Variants in NRXN3 observed in about 807,000 individuals in gnomAD.
NRXN3 encodes neurexin 3.
A neutral mutation model predicts 137.6 loss-of-function variants in NRXN3; 32 were observed. The ratio of observed to expected loss-of-function variants is 0.23; its 90% CI spans 0.18 to 0.31. The LOEUF (loss-of-function observed/expected upper bound fraction) is 0.31, where lower values mean the gene tolerates loss of function less well. NRXN3 is among the 10% of genes least tolerant of loss of function. The pLI, the probability that NRXN3 is intolerant of heterozygous loss-of-function variation, is 1.00. For missense variants in NRXN3, 1,574 were observed against 2,062.5 expected, an observed-to-expected ratio of 0.76 and a Z score of 4.59; for synonymous variants, 798 against 784.5, an observed-to-expected ratio of 1.02 and a Z score of -0.29.
chr14:79,428,410 T>C (rs2095691064), intron 15 of NRXN3, among the ~76,000 whole-genome samples: 1 of 152,162 alleles, frequency 6.6e-6, no homozygotes, highest in African/African-American at 2.4e-5. Context: ...GTACCTTCAC[T>C]TGGTCAAATA....
intron 4 of NRXN3, among the ~76,000 whole-genome samples, chr14:78,466,995 A>T (rs2095126327): frequency 6.6e-6 from 1 of 152,172 alleles, no homozygotes; most frequent in Admixed American, 6.5e-5. Flanking sequence ...TTAAAAGTTA[A>T]AAAAAAGAAA....
At position 78,715,097 on chromosome 14, in the gene NRXN3, G is replaced by T. The variant is rs1224594523; in HGVS notation, c.2002G>T (p.Asp668Tyr). ...CKDGWNRFIC[D>Y]CTGTGYWGRT... ...GGACGGCTGGAACCGCTTCATCTGC[G>T]ACTGCACCGGCACCGGATACTGGGG... The change falls in exon 8 of 21, where the codon GAC becomes TAC. Residue 668 changes from aspartate to tyrosine, a missense_variant. Transcript: ENST00000335750. 1.9e-6 allele frequency: 3 copies of T among 1,612,302 alleles called. No homozygotes were observed. Among genetic ancestry groups the T allele is most frequent in the African/African-American group, 2.7e-5 (2 of 74,892 alleles).
intron 19 of NRXN3, among the ~76,000 whole-genome samples, chr14:79,774,005 TG>T (rs1192294596): frequency 6.6e-6 from 1 of 152,006 alleles, no homozygotes; most frequent in Admixed American, 6.6e-5. Flanking sequence ...CACTCTTAAC[TG>T]GGGAAAATTG....
At chr14:79,858,795 T>G (rs745348072) in intron 20 of NRXN3, among the ~76,000 whole-genome samples, 15 of 152,086 alleles carry the variant, frequency 9.9e-5, no homozygotes, top group Non-Finnish European at 2.2e-4. Flanking sequence ...TATATCACCT[T>G]AAATCTACCA....
rs143697404 is a variant in NRXN3 at position 78,199,259 on chromosome 14, G to C, written c.-704+28585G>C. 8.1e-4 allele frequency among the ~76,000 whole-genome samples: 124 copies of C among 152,230 alleles called. 3 individuals are homozygous for C. The East Asian group carries it at 0.023, about 28-fold the overall frequency. On this transcript the variant is annotated intron_variant, in intron 1 of 20. Transcript: ENST00000335750. Reference sequence around the variant, plus strand: ...GGGCACCCAGGATGTTCACTAAGGTGGTCCAGCCAGTTTGTCTGCAGAGGC... The same window carrying C: ...GGGCACCCAGGATGTTCACTAAGGTCGTCCAGCCAGTTTGTCTGCAGAGGC...
At chr14:79,860,376 T>C (rs2099411747) in intron 20 of NRXN3, among the ~76,000 whole-genome samples, 1 of 152,218 alleles carries the variant, frequency 6.6e-6, no homozygotes, top group African/African-American at 2.4e-5. Context: ...TGTCATTTAA[T>C]AGTCAGGGGG....
intron 15 of NRXN3, among the ~76,000 whole-genome samples, chr14:79,410,219 A>G (rs926668443): frequency 3.3e-5 from 5 of 151,948 alleles, no homozygotes; most frequent in African/African-American, 1.2e-4. Flanking sequence ...ACACACGTGC[A>G]TACTCTTGGC....
At chr14:79,095,465 G>C (rs1357796699) in intron 15 of NRXN3, among the ~76,000 whole-genome samples, 1 of 151,972 alleles carries the variant, frequency 6.6e-6, no homozygotes, top group Non-Finnish European at 1.5e-5. Context: ...AGTTATCAAG[G>C]AACTTCATTC....
chr14:79,034,623 G>A (rs2099613235), intron 15 of NRXN3, among the ~76,000 whole-genome samples: 1 of 152,066 alleles, frequency 6.6e-6, no homozygotes, highest in African/African-American at 2.4e-5. Context: ...GTGTTATGAT[G>A]TCTTGATAAA....
intron 15 of NRXN3, among the ~76,000 whole-genome samples, chr14:79,059,247 A>ATTTTTTTTTTTTTTTTT (rs1555701604): frequency 1.5e-4 from 14 of 95,818 alleles, no homozygotes; most frequent in Non-Finnish European, 2.2e-4. Flanking sequence ...TTCAGGCCCT[A>ATTTTTTTTTTTTTTTTT]TTCTTTTTTT....
chr14:79,065,081 T>C (rs1373036146), intron 15 of NRXN3, among the ~76,000 whole-genome samples: 1 of 151,326 alleles, frequency 6.6e-6, no homozygotes, highest in Non-Finnish European at 1.5e-5. Context: ...TTTACATGCA[T>C]ATATATATAT....
chr14:78,990,619 C>G (rs1463436693), intron 15 of NRXN3, among the ~76,000 whole-genome samples: 1 of 152,064 alleles, frequency 6.6e-6, no homozygotes, highest in African/African-American at 2.4e-5. Flanking sequence ...GATCCGCCCT[C>G]CTCAGCCTCC....
At chr14:78,411,134 T>C (rs895027712) in intron 4 of NRXN3, among the ~76,000 whole-genome samples, 2 of 152,226 alleles carry the variant, frequency 1.3e-5, no homozygotes, top group Non-Finnish European at 1.5e-5. Flanking sequence ...AACCATTTGG[T>C]CAACATTAGT....
chr14:79,151,736 A>G (rs1436746395), intron 15 of NRXN3, among the ~76,000 whole-genome samples: 1 of 151,830 alleles, frequency 6.6e-6, no homozygotes, highest in African/African-American at 2.4e-5. Context: ...GTAGATCTAG[A>G]CACCGTGATG....
intron 15 of NRXN3, among the ~76,000 whole-genome samples, chr14:79,165,974 G>A (rs2061248551): frequency 6.6e-6 from 1 of 151,908 alleles, no homozygotes; most frequent in South Asian, 2.1e-4. Flanking sequence ...TTTACAAATG[G>A]CCATCACAAT....
In NRXN3 at chr14:78,957,236, C is replaced by A; in HGVS notation, c.2276-6C>A. The stretch of plus-strand genomic sequence containing the variant: ...TTCTAACTTTGGCACTTACTACCAT[C>A]CTTAGGCAAAGGACCAGAGACCTTG... On this transcript the variant is annotated splice_region_variant and splice_polypyrimidine_tract_variant and intron_variant, in intron 10 of 20. Transcript: ENST00000335750. 1 of 1,613,658 alleles carries A rather than the reference C, an allele frequency of 6.2e-7. No homozygotes were observed. The highest frequency in any genetic ancestry group is 8.5e-7 in the Non-Finnish European group (1 of 1,179,806).
At chr14:79,217,219 G>T (rs1025642860) in intron 15 of NRXN3, among the ~76,000 whole-genome samples, 17 of 152,160 alleles carry the variant, frequency 1.1e-4, no homozygotes, top group African/African-American at 4.1e-4. Flanking sequence ...CATAGTGTTA[G>T]CATCTGCTTA....
chr14:79,617,733 A>T (rs971766299), intron 16 of NRXN3, among the ~76,000 whole-genome samples: 10 of 152,104 alleles, frequency 6.6e-5, no homozygotes, highest in African/African-American at 2.4e-4. Context: ...CAATTAGGTA[A>T]AGGTGAAAAA....
At chr14:78,947,494 G>A (rs2099367944) in intron 10 of NRXN3, among the ~76,000 whole-genome samples, 1 of 152,278 alleles carries the variant, frequency 6.6e-6, no homozygotes, top group South Asian at 2.1e-4. Flanking sequence ...AACCTGAAGG[G>A]TCTTTGGGTA....
Sources: gnomAD v4.1 joint callset for allele counts (sites outside exome capture counted in the v4.1 genomes callset) on GRCh38, gnomAD v4.1.1 for gene constraint, MANE v1.5 for transcripts, NCBI Gene and HGNC (gene_info 2026-07-23, HGNC 2026-07-21) for gene names.